Variants in AMBRA1 observed in about 807,000 individuals in gnomAD.
AMBRA1 encodes autophagy and beclin 1 regulator 1.
AMBRA1 carries 47 observed loss-of-function variants against 125.4 expected under a neutral mutation model. The observed-to-expected ratio is 0.37, with a 90% confidence interval of 0.30 to 0.48. The LOEUF (loss-of-function observed/expected upper bound fraction) is 0.48, where lower values mean the gene tolerates loss of function less well. Among genes scored for constraint, AMBRA1 ranks in the 20% least tolerant of loss-of-function variants. The pLI, the probability that AMBRA1 is intolerant of heterozygous loss-of-function variation, is 0.99. For missense variants in AMBRA1, 1,331 were observed against 1,693.4 expected, an observed-to-expected ratio of 0.79 and a Z score of 3.76; for synonymous variants, 626 against 655.5, an observed-to-expected ratio of 0.95 and a Z score of 0.69.
chr11:46,402,512 C>T (rs964852617), intron 17 of AMBRA1, among the ~76,000 whole-genome samples: 2 of 152,168 alleles, frequency 1.3e-5, no homozygotes, highest in South Asian at 2.1e-4. Context: ...CATGTGTGCA[C>T]CACCACACTT....
At chr11:46,429,025 G>T in intron 14 of AMBRA1, 2 of 1,611,870 alleles carry the variant, frequency 1.2e-6, no homozygotes, top group Non-Finnish European at 1.7e-6. Context: ...TGACATGAAG[G>T]TTGGGCACAT....
chr11:46,591,511 G>A (rs542889476), intron 1 of AMBRA1: 2 of 152,182 alleles, frequency 1.3e-5, no homozygotes, highest in African/African-American at 4.8e-5. Flanking sequence ...GGAGAATGTG[G>A]CCTTGTACAG....
chr11:46,593,956 C>G lies in AMBRA1; in HGVS notation c.-249G>C, dbSNP rs1037904226. The G allele has an allele frequency of 2.5e-6, 1 of 398,620 alleles. No homozygotes were observed. Among genetic ancestry groups the G allele is most frequent in the East Asian group, 3.6e-5 (1 of 28,070 alleles). 24.7% of individuals were successfully genotyped at this position (398,620 alleles called of 1,614,324 possible). ...CCGGCAGGAGAAGGCGGCTTGAGCG[C>G]GGGGCCTCGCGGACAACTCAGCCCT... On this transcript the variant is annotated 5_prime_UTR_variant, in exon 1 of 18. Coordinates refer to ENST00000683756, the MANE Select transcript of AMBRA1 (RefSeq NM_001387011.1).
chr11:46,587,873 A>C (rs555936196), intron 1 of AMBRA1, among the ~76,000 whole-genome samples: 32 of 152,326 alleles, frequency 2.1e-4, no homozygotes, highest in African/African-American at 7.7e-4. Context: ...GTTGAAACAC[A>C]CAGTCACAAT....
chr11:46,453,849 T>C (rs1948731280), intron 11 of AMBRA1, among the ~76,000 whole-genome samples: 1 of 152,234 alleles, frequency 6.6e-6, no homozygotes, highest in African/African-American at 2.4e-5. Flanking sequence ...AATCTGATGC[T>C]GAGATTAATC....
At chr11:46,498,271 A>C (rs1463633912) in intron 9 of AMBRA1, among the ~76,000 whole-genome samples, 1 of 152,230 alleles carries the variant, frequency 6.6e-6, no homozygotes, top group Non-Finnish European at 1.5e-5. Flanking sequence ...AACAGAGTAC[A>C]CAAATATGTT....
chr11:46,509,340 GA>G (rs2135041674), intron 8 of AMBRA1, among the ~76,000 whole-genome samples: 1 of 152,270 alleles, frequency 6.6e-6, no homozygotes, highest in South Asian at 2.1e-4. Context: ...CTGAAAACAT[GA>G]GAGGAACAAT....
At chr11:46,499,636 C>A (rs1590961005) in intron 9 of AMBRA1, among the ~76,000 whole-genome samples, 1 of 151,990 alleles carries the variant, frequency 6.6e-6, no homozygotes, top group Admixed American at 6.6e-5. Flanking sequence ...TGTACCTCTG[C>A]CTACTACAGG....
At chr11:46,546,540 G>A (rs1012852112) in intron 4 of AMBRA1, among the ~76,000 whole-genome samples, 2 of 151,746 alleles carry the variant, frequency 1.3e-5, no homozygotes, top group Admixed American at 1.3e-4. Flanking sequence ...CCTGTACTAT[G>A]TCACAACGGG....
intron 11 of AMBRA1, among the ~76,000 whole-genome samples, chr11:46,482,478 G>A (rs369707508): frequency 6.6e-6 from 1 of 152,288 alleles, no homozygotes; most frequent in East Asian, 1.9e-4. Flanking sequence ...TATCAATATG[G>A]TAGATTCTGG....
chr11:46,533,611 C>T (rs1952320607), intron 7 of AMBRA1, among the ~76,000 whole-genome samples: 1 of 152,140 alleles, frequency 6.6e-6, no homozygotes, highest in Non-Finnish European at 1.5e-5. Context: ...AGTCACTCCT[C>T]CTTTTTGGTT....
At chr11:46,420,625 G>A (rs1213897319) in intron 14 of AMBRA1, among the ~76,000 whole-genome samples, 1 of 152,188 alleles carries the variant, frequency 6.6e-6, no homozygotes, top group Admixed American at 6.5e-5. Flanking sequence ...AGGACAATGT[G>A]GGTGTGATGA....
chr11:46,512,590 C>T (rs1320173195), intron 8 of AMBRA1, 137 bp downstream of exon 8: 1 of 617,370 alleles, frequency 1.6e-6, no homozygotes. Context: ...ATCACCTGAA[C>T]CACCTGTCTC....
chr11:46,428,427 C>T (rs1367914541), intron 14 of AMBRA1, among the ~76,000 whole-genome samples: 1 of 152,108 alleles, frequency 6.6e-6, no homozygotes, highest in Admixed American at 6.5e-5. Flanking sequence ...CCAGAGCTTC[C>T]TCCTCAACCC....
intron 15 of AMBRA1, among the ~76,000 whole-genome samples, chr11:46,417,453 G>A (rs1449178534): frequency 2.0e-5 from 3 of 152,142 alleles, no homozygotes; most frequent in Non-Finnish European, 2.9e-5. Context: ...GTTAGAGATC[G>A]GCTATTAGAG....
At chr11:46,476,746 T>C (rs1163168091) in intron 11 of AMBRA1, among the ~76,000 whole-genome samples, 1 of 152,222 alleles carries the variant, frequency 6.6e-6, no homozygotes, top group African/African-American at 2.4e-5. Context: ...AGAAACACTT[T>C]GTGGCTTTTA....
At chr11:46,569,438 AAAATATAT>A (rs1375567349) in intron 1 of AMBRA1, among the ~76,000 whole-genome samples, 2 of 134,242 alleles carry the variant, frequency 1.5e-5, no homozygotes, top group South Asian at 2.4e-4. Flanking sequence ...TAAAAAAAAA[AAAATATAT>A]ATATATATAT....
chr11:46,411,826 A>G (rs1188160453), intron 15 of AMBRA1, among the ~76,000 whole-genome samples: 1 of 151,854 alleles, frequency 6.6e-6, no homozygotes, highest in African/African-American at 2.4e-5. Context: ...GGGTCTCACT[A>G]TGTTGCCCAG....
In AMBRA1 at chr11:46,508,177, G is replaced by A; in HGVS notation, c.2339+14C>T. ...GAGAGGAGAGGGAAGAAAGCAAGCT[G>A]AGTATGTACTTACTCAAAGTCCTCA... On this transcript the variant is annotated intron_variant, in intron 9 of 17. Coordinates refer to ENST00000683756, the MANE Select transcript of AMBRA1 (RefSeq NM_001387011.1). 1 of 1,613,838 alleles carries A rather than the reference G, an allele frequency of 6.2e-7. No individual in the cohort carries two copies. Among genetic ancestry groups the A allele is most frequent in the Non-Finnish European group, 8.5e-7 (1 of 1,179,820 alleles).
Sources: allele counts gnomAD v4.1 joint callset (sites outside exome capture counted in the v4.1 genomes callset), GRCh38; gene constraint gnomAD v4.1.1; transcripts MANE v1.5; gene names NCBI Gene and HGNC (gene_info 2026-07-23, HGNC 2026-07-21).